ARMC1: variants seen among roughly 807,000 people sequenced by gnomAD.
ARMC1 encodes the protein armadillo repeat containing 1.
Under a neutral mutation model 31.4 loss-of-function variants are expected in ARMC1, and 16 were observed. The observed-to-expected ratio is 0.51, with a 90% confidence interval of 0.34 to 0.77. ARMC1 has a LOEUF of 0.77. Among genes scored for constraint, ARMC1 ranks in the 30% least tolerant of loss-of-function variants. The pLI is 0.01. For missense variants in ARMC1, 259 were observed against 347.5 expected (o/e 0.75, Z 2.02); for synonymous variants, 114 against 118.9 (o/e 0.96, Z 0.27).
chr8:65,610,951 T>A (rs78886744), intron 4 of ARMC1, among the ~76,000 whole-genome samples: 2 of 152,058 alleles, frequency 1.3e-5, no homozygotes, highest in African/African-American at 4.8e-5. Context: ...TTTTTTTTTT[T>A]GAGATGGAGT....
chr8:65,622,930 C>T (rs1413899384), intron 2 of ARMC1, among the ~76,000 whole-genome samples: 3 of 150,096 alleles, frequency 2.0e-5, no homozygotes, highest in African/African-American at 4.9e-5. Flanking sequence ...TGCTTGAACA[C>T]GGGAGGCGGA....
At chr8:65,623,672 T>C (rs1429088872) in intron 2 of ARMC1, among the ~76,000 whole-genome samples, 1 of 149,978 alleles carries the variant, frequency 6.7e-6, no homozygotes, top group Non-Finnish European at 1.5e-5. Flanking sequence ...TTGCTGAAAA[T>C]CACTAATAAA....
At chr8:65,623,732 T>A (rs1309846563) in intron 2 of ARMC1, among the ~76,000 whole-genome samples, 2 of 149,220 alleles carry the variant, frequency 1.3e-5, no homozygotes, top group African/African-American at 5.0e-5. Context: ...GAACAAGAAT[T>A]ACGGCAGTTT....
In ARMC1 at chr8:65,603,704, T is replaced by G. The variant is rs1461865697; in HGVS notation, c.*690A>C. The G allele has an allele frequency of 1.3e-5, 2 of 152,220 alleles. No individual in the cohort carries two copies. Among genetic ancestry groups the G allele is most frequent in the African/African-American group, 4.8e-5 (2 of 41,462 alleles). The allele number at this position is 152,220 out of a possible 1,614,324, so 9.4% of individuals were successfully genotyped here. The stretch of plus-strand genomic sequence containing the variant: ...ACATTCAAACAGTCTCCAAAAACAC[T>G]TCACTAATATACATGTTTCCTTCTT... On this transcript the variant is annotated 3_prime_UTR_variant, in exon 7 of 7. Coordinates refer to ENST00000276569, the MANE Select transcript of ARMC1 (RefSeq NM_018120.6).
chr8:65,610,521 C>T (rs952977539), intron 4 of ARMC1, among the ~76,000 whole-genome samples: 2 of 151,916 alleles, frequency 1.3e-5, no homozygotes, highest in African/African-American at 4.8e-5. Flanking sequence ...ATGGCGAAAC[C>T]CCGTCTCTAC....
In ARMC1 at chr8:65,606,572, C is replaced by T. The variant is rs886697065; in HGVS notation, c.466-1034G>A. 2.0e-5 allele frequency among the ~76,000 whole-genome samples: 3 copies of T among 152,140 alleles called. No homozygotes were observed. In the East Asian group the frequency reaches 5.8e-4, roughly 29 times the overall value. The stretch of plus-strand genomic sequence containing the variant: ...TACTATTGCATTCTCAAGGGTTAGA[C>T]ATACCCTCTGTGTGGTTCTCATTTT... On this transcript the variant is annotated intron_variant, in intron 4 of 6. Coordinates refer to ENST00000276569, the MANE Select transcript of ARMC1 (RefSeq NM_018120.6).
intron 3 of ARMC1, among the ~76,000 whole-genome samples, chr8:65,620,808 A>AAAAAAAAAAAAAC (rs369035109): frequency 1.3e-5 from 2 of 151,506 alleles, no homozygotes; most frequent in Non-Finnish European, 2.9e-5. Flanking sequence ...TTAAAAAAAA[A>AAAAAAAAAAAAAC]CACAACTATC....
At chr8:65,611,082 C>T (rs188822556) in intron 4 of ARMC1, among the ~76,000 whole-genome samples, 208 of 152,030 alleles carry the variant, frequency 1.4e-3, no homozygotes, top group Non-Finnish European at 2.4e-3. Flanking sequence ...TACAGGCCTA[C>T]ACTATCACAC....
rs1807949489 is a variant in ARMC1, at chr8:65,604,071, T to C, written c.*323A>G. ...AAGAAAATGAGTTTTCCTAATCACA[T>C]GCTTCACGTAAAATAAAATGTAAAG... is the stretch of plus-strand genomic sequence containing the variant. On this transcript the variant is annotated 3_prime_UTR_variant, in exon 7 of 7. Coordinates refer to ENST00000276569, the MANE Select transcript of ARMC1 (RefSeq NM_018120.6). 1 of 198,666 alleles carries C rather than the reference T, an allele frequency of 5.0e-6. No homozygotes were observed. The highest frequency in any genetic ancestry group is 1.2e-4 in the South Asian group (1 of 8,674). The allele number at this position is 198,666 out of a possible 1,614,324, so 12.3% of individuals were successfully genotyped here.
chr8:65,614,968 A>G (rs1475522560), intron 3 of ARMC1, among the ~76,000 whole-genome samples: 3 of 152,210 alleles, frequency 2.0e-5, no homozygotes, highest in Non-Finnish European at 4.4e-5. Context: ...TAAGTATATG[A>G]ACTCTTTAAG....
intron 1 of ARMC1, among the ~76,000 whole-genome samples, chr8:65,630,722 G>A (rs1167455312): frequency 1.3e-5 from 2 of 152,080 alleles, no homozygotes; most frequent in African/African-American, 4.8e-5. Flanking sequence ...GGGAAGCTGA[G>A]GCAGGAGAAT....
intron 1 of ARMC1, among the ~76,000 whole-genome samples, chr8:65,629,237 A>T (rs1279866896): frequency 3.3e-5 from 5 of 152,238 alleles, no homozygotes; most frequent in African/African-American, 1.2e-4. Flanking sequence ...TTAAAAAAGA[A>T]GGAAATTCTG....
rs144401948 is a variant in ARMC1 at position 65,620,759 on chromosome 8, C to G, written c.275+1504G>C. Among the ~76,000 whole-genome samples the G allele has an allele frequency of 2.6e-4, 38 of 147,402 alleles. No individual in the cohort carries two copies. In the East Asian group the frequency reaches 7.3e-3, roughly 28 times the overall value. ...TCTGACTAATCACTTCTCTAGCATC[C>G]TTTCTGAACTGAGGTCCTGTAAAAG... On this transcript the variant is annotated intron_variant, in intron 3 of 6. Coordinates refer to ENST00000276569, the MANE Select transcript of ARMC1 (RefSeq NM_018120.6).
chr8:65,631,317 C>T (rs1808638045), intron 1 of ARMC1, among the ~76,000 whole-genome samples: 1 of 152,204 alleles, frequency 6.6e-6, no homozygotes. Context: ...TTATCACAAC[C>T]TCTGCCTCTC....
At position 65,604,237 on chromosome 8, in the gene ARMC1, GT is replaced by G; in HGVS notation, c.*156del. 1 of 646,208 alleles carries G rather than the reference GT, an allele frequency of 1.5e-6. No individual in the cohort carries two copies. The highest frequency in any genetic ancestry group is 2.6e-6 in the Non-Finnish European group (1 of 388,012). 40.0% of individuals were successfully genotyped at this position (646,208 alleles called of 1,614,324 possible). On this transcript the variant is annotated 3_prime_UTR_variant, in exon 7 of 7. Transcript: ENST00000276569. ...TCTGTCCTTTTTACCACTCAGTGGG[GT>G]AAAATGTCCAATAAAACGTGAAATG... is the stretch of plus-strand genomic sequence containing the variant.
At chr8:65,625,373 C>T (rs1563419735) in intron 2 of ARMC1, among the ~76,000 whole-genome samples, 1 of 152,172 alleles carries the variant, frequency 6.6e-6, no homozygotes, top group Non-Finnish European at 1.5e-5. Context: ...TACAACAGGC[C>T]TGAATCATAT....
chr8:65,611,796 C>T lies in ARMC1; in HGVS notation c.465+1448G>A, dbSNP rs962400189. Among the ~76,000 whole-genome samples, 7 of 148,674 alleles carry T rather than the reference C, an allele frequency of 4.7e-5. 1 individual carries two copies. The South Asian group carries it at 8.5e-4, about 18-fold the overall frequency. ...TTTTTTTTTCTTTTTTTTTTTGAGA[C>T]GGAGTCTCACTCTGTCACTCAGGCT... On this transcript the variant is annotated intron_variant, in intron 4 of 6. Transcript: ENST00000276569.
intron 2 of ARMC1, among the ~76,000 whole-genome samples, chr8:65,626,705 G>A (rs1348102506): frequency 6.6e-6 from 1 of 152,126 alleles, no homozygotes. Context: ...CATGCATGGA[G>A]TATGCAACAA....
At chr8:65,616,781 C>T (rs1351329720) in intron 3 of ARMC1, among the ~76,000 whole-genome samples, 94 of 151,080 alleles carry the variant, frequency 6.2e-4, no homozygotes, top group African/African-American at 2.1e-3. Flanking sequence ...TCTGCCCAGC[C>T]GCGACCCCGT....
Sources: gnomAD v4.1 joint callset for allele counts (sites outside exome capture counted in the v4.1 genomes callset) on GRCh38, gnomAD v4.1.1 for gene constraint, MANE v1.5 for transcripts, NCBI Gene and HGNC (gene_info 2026-07-23, HGNC 2026-07-21) for gene names.